The following KIAA0825 variants were observed in gnomAD, a reference collection of about 807,000 sequenced individuals.
The protein encoded by KIAA0825 is uncharacterized protein KIAA0825.
KIAA0825 carries 119 observed loss-of-function variants against 147.6 expected under a neutral mutation model. The observed-to-expected ratio is 0.81, with a 90% CI of 0.69 to 0.94. The LOEUF is 0.94. Among genes scored for constraint, KIAA0825 ranks in the 40% least tolerant of loss-of-function variants. The pLI is 0.00. For missense variants in KIAA0825, 1,381 were observed against 1,472.7 expected, an observed-to-expected ratio of 0.94 and a Z score of 1.02; for synonymous variants, 470 against 518.1, an observed-to-expected ratio of 0.91 and a Z score of 1.26.
At chr5:94,162,108 G>A (rs1181171411) in intron 20 of KIAA0825, among the ~76,000 whole-genome samples, 2 of 152,040 alleles carry the variant, frequency 1.3e-5, no homozygotes, top group African/African-American at 2.4e-5. Flanking sequence ...TCTCTGCTTC[G>A]TCTTATTTCT....
intron 9 of KIAA0825, among the ~76,000 whole-genome samples, chr5:94,470,363 G>A (rs1220083881): frequency 6.6e-6 from 1 of 152,080 alleles, no homozygotes; most frequent in African/African-American, 2.4e-5. Flanking sequence ...GAGACAAACT[G>A]TATTGTCAAT....
intron 13 of KIAA0825, among the ~76,000 whole-genome samples, chr5:94,444,479 C>T (rs1243934355): frequency 1.3e-5 from 2 of 151,946 alleles, no homozygotes; most frequent in African/African-American, 4.8e-5. Flanking sequence ...TGGCAATTAT[C>T]ACATTCAGAA....
intron 15 of KIAA0825, among the ~76,000 whole-genome samples, chr5:94,404,495 T>C (rs965906180): frequency 3.3e-5 from 5 of 152,090 alleles, no homozygotes; most frequent in Admixed American, 3.3e-4. Flanking sequence ...AATGGTCAAT[T>C]AACTCAGTGT....
intron 2 of KIAA0825, among the ~76,000 whole-genome samples, chr5:94,577,380 G>A (rs1006435617): frequency 2.0e-5 from 3 of 152,198 alleles, no homozygotes; most frequent in Admixed American, 1.3e-4. Context: ...TTGCAAAAAT[G>A]AATGTGAAGT....
intron 2 of KIAA0825, among the ~76,000 whole-genome samples, chr5:94,537,469 A>G (rs747200826): frequency 7.2e-5 from 11 of 151,890 alleles, no homozygotes; most frequent in Non-Finnish European, 1.5e-4. Flanking sequence ...GGCTAACATG[A>G]TGAAACCCGG....
chr5:94,193,955 T>C (rs1770901085), intron 20 of KIAA0825, among the ~76,000 whole-genome samples: 1 of 152,092 alleles, frequency 6.6e-6, no homozygotes, highest in Non-Finnish European at 1.5e-5. Context: ...CCCAAAAGCA[T>C]ATTATTTGGG....
intron 20 of KIAA0825, among the ~76,000 whole-genome samples, chr5:94,374,003 T>C (rs1001930296): frequency 4.6e-5 from 7 of 152,286 alleles, no homozygotes; most frequent in African/African-American, 1.4e-4. Context: ...CAGCTACTCC[T>C]GGTGGAAAAT....
chr5:94,202,057 C>T (rs1164498759), intron 20 of KIAA0825, among the ~76,000 whole-genome samples: 1 of 152,162 alleles, frequency 6.6e-6, no homozygotes, highest in Non-Finnish European at 1.5e-5. Flanking sequence ...TCTGGCTAAA[C>T]TGATTTAGCA....
Position 94,613,743 on chromosome 5 carries a change from A to G in KIAA0825, c.-153+4757T>C, listed in dbSNP as rs552161738. Among the ~76,000 whole-genome samples the G allele has an allele frequency of 4.6e-5, 7 of 152,334 alleles. No individual in the cohort carries two copies. In the South Asian group the frequency reaches 1.4e-3, roughly 32 times the overall value. ...AAGTAGCATCAGTTACACAGTGTAT[A>G]TCCAAGAGTTATGGATCCTCCAGAA... On this transcript the variant is annotated intron_variant, in intron 1 of 20. Coordinates refer to ENST00000682413, the MANE Select transcript of KIAA0825 (RefSeq NM_001145678.3).
At chr5:94,590,605 C>A (rs916649050) in intron 1 of KIAA0825, among the ~76,000 whole-genome samples, 1 of 152,196 alleles carries the variant, frequency 6.6e-6, no homozygotes, top group African/African-American at 2.4e-5. Context: ...GCTGAAATCA[C>A]AAGGTTTCTT....
intron 2 of KIAA0825, among the ~76,000 whole-genome samples, chr5:94,574,540 T>A (rs1407694212): frequency 9.2e-5 from 5 of 54,644 alleles, no homozygotes; most frequent in Admixed American, 3.4e-4. Context: ...TAAGACTCCA[T>A]CTCAAAAAAA....
At chr5:94,249,250 C>T (rs974588680) in intron 20 of KIAA0825, among the ~76,000 whole-genome samples, 1 of 152,016 alleles carries the variant, frequency 6.6e-6, no homozygotes, top group African/African-American at 2.4e-5. Context: ...ATTTTCCCAC[C>T]TAGCAGACAA....
At chr5:94,367,884 C>G (rs1205391945) in intron 20 of KIAA0825, among the ~76,000 whole-genome samples, 1 of 152,134 alleles carries the variant, frequency 6.6e-6, no homozygotes, top group Non-Finnish European at 1.5e-5. Context: ...TATGTAAAAG[C>G]AGCAAAGCAA....
chr5:94,548,342 C>A (rs1206002116), intron 2 of KIAA0825, among the ~76,000 whole-genome samples: 1 of 152,062 alleles, frequency 6.6e-6, no homozygotes, highest in Non-Finnish European at 1.5e-5. Context: ...TGTCATTAGT[C>A]TAAACTAATG....
At chr5:94,364,907 G>A (rs185016588) in intron 20 of KIAA0825, among the ~76,000 whole-genome samples, 3 of 152,158 alleles carry the variant, frequency 2.0e-5, no homozygotes, top group African/African-American at 7.2e-5. Flanking sequence ...GGTGGGTGCC[G>A]GGAGTTGTGC....
At chr5:94,566,483 A>C (rs1212877328) in intron 2 of KIAA0825, among the ~76,000 whole-genome samples, 5 of 152,154 alleles carry the variant, frequency 3.3e-5, no homozygotes, top group Non-Finnish European at 7.4e-5. Flanking sequence ...ATATTCTTTC[A>C]AAAAATTTAT....
intron 20 of KIAA0825, among the ~76,000 whole-genome samples, chr5:94,182,639 T>A (rs1769770477): frequency 6.6e-6 from 1 of 152,108 alleles, no homozygotes; most frequent in South Asian, 2.1e-4. Flanking sequence ...AAGCAAGTAC[T>A]GATATTTTTG....
At chr5:94,557,350 G>A (rs1328517003) in intron 2 of KIAA0825, among the ~76,000 whole-genome samples, 1 of 151,596 alleles carries the variant, frequency 6.6e-6, no homozygotes. Flanking sequence ...CAATCCACAT[G>A]ACTCAGCCTT....
intron 20 of KIAA0825, among the ~76,000 whole-genome samples, chr5:94,179,162 CT>C (rs944850659): frequency 2.0e-5 from 3 of 152,030 alleles, no homozygotes; most frequent in African/African-American, 7.2e-5. Flanking sequence ...GTAACTCATA[CT>C]TTTGGAGAGT....
Sources: gnomAD v4.1 joint callset for allele counts (sites outside exome capture counted in the v4.1 genomes callset) on GRCh38, gnomAD v4.1.1 for gene constraint, MANE v1.5 for transcripts, NCBI Gene and HGNC (gene_info 2026-07-23, HGNC 2026-07-21) for gene names.